The following MUSK variants were observed in gnomAD, a reference collection of about 807,000 sequenced individuals.
MUSK encodes muscle associated receptor tyrosine kinase, also known as muscle, skeletal receptor tyrosine-protein kinase.
A neutral mutation model predicts 88.7 loss-of-function variants in MUSK; 55 were observed. That is an observed-to-expected ratio of 0.62 (90% CI 0.50 to 0.78). MUSK has a LOEUF of 0.78. Ranked by LOEUF, MUSK falls within the 30% of genes least tolerant of loss-of-function variation. The pLI, the probability that MUSK is intolerant of heterozygous loss-of-function variation, is 0.00. For synonymous variants in MUSK, 387 were observed against 391.9 expected, an observed-to-expected ratio of 0.99 and a Z score of 0.15; for missense variants, 1,015 against 1,074.3, an observed-to-expected ratio of 0.94 and a Z score of 0.77.
intron 5 of MUSK, 118 bp downstream of exon 5, chr9:110,697,584 C>A (rs564402810): frequency 3.0e-4 from 321 of 1,070,604 alleles, no homozygotes; most frequent in Non-Finnish European, 3.9e-4. Flanking sequence ...CTCAGTTGTT[C>A]CAGATATTAG....
intron 5 of MUSK, among the ~76,000 whole-genome samples, chr9:110,723,443 C>T (rs775849328): frequency 1.6e-4 from 25 of 151,738 alleles, no homozygotes; most frequent in African/African-American, 4.3e-4. Context: ...GGCATAAGAA[C>T]GACACATTAG....
intron 14 of MUSK, among the ~76,000 whole-genome samples, chr9:110,797,146 T>TAAAA (rs1564297784): frequency 1.1e-4 from 2 of 18,058 alleles, no homozygotes; most frequent in Non-Finnish European, 2.2e-4. Flanking sequence ...AAATAAAAAA[T>TAAAA]AAATGCATGA....
intron 5 of MUSK, among the ~76,000 whole-genome samples, chr9:110,698,210 T>A (rs1263026911): frequency 6.6e-6 from 1 of 152,206 alleles, no homozygotes; most frequent in Non-Finnish European, 1.5e-5. Context: ...TCCTGTTGTA[T>A]GCCAGAGAAT....
intron 1 of MUSK, among the ~76,000 whole-genome samples, chr9:110,681,072 T>TTA (rs2076116810): frequency 3.9e-5 from 1 of 25,450 alleles, no homozygotes; most frequent in South Asian, 6.7e-4. Flanking sequence ...TATATAATAT[T>TTA]ATATATATTA....
At chr9:110,716,828 T>C (rs2076750511) in intron 5 of MUSK, among the ~76,000 whole-genome samples, 2 of 150,338 alleles carry the variant, frequency 1.3e-5, no homozygotes, top group Middle Eastern at 3.4e-3. Context: ...TTAATTATTG[T>C]TGTAATTCCT....
At chr9:110,762,295 G>T in intron 8 of MUSK, 87 bp downstream of exon 8, 1 of 1,060,634 alleles carries the variant, frequency 9.4e-7, no homozygotes, top group Non-Finnish European at 1.3e-6. Context: ...AGAGGGTCTT[G>T]TGTTGCCCAG....
chr9:110,683,300 A>G (rs2076155898), intron 2 of MUSK, among the ~76,000 whole-genome samples: 1 of 152,120 alleles, frequency 6.6e-6, no homozygotes, highest in Admixed American at 6.6e-5. Context: ...GTCTTTGCAA[A>G]TGACTGGATC....
intron 5 of MUSK, among the ~76,000 whole-genome samples, chr9:110,725,184 C>T (rs2076867883): frequency 6.6e-6 from 1 of 151,834 alleles, no homozygotes; most frequent in Admixed American, 6.6e-5. Context: ...TGTTTTCATG[C>T]ATAAGTGGGA....
intron 5 of MUSK, among the ~76,000 whole-genome samples, chr9:110,730,777 G>C (rs1268601869): frequency 6.6e-6 from 1 of 152,050 alleles, no homozygotes; most frequent in Non-Finnish European, 1.5e-5. Context: ...TGCTCAGATA[G>C]AGTTGGGTAA....
intron 5 of MUSK, among the ~76,000 whole-genome samples, chr9:110,704,910 A>C (rs1564233548): frequency 6.6e-6 from 1 of 151,362 alleles, no homozygotes; most frequent in East Asian, 1.9e-4. Context: ...ACTTGAACCC[A>C]GGAGGCAGAG....
chr9:110,802,849 A>C lies in MUSK; in HGVS notation c.*1861A>C, dbSNP rs899514560. ...CTGGTTCATAAATAGCGAGGTCAGC[A>C]TTTAGGACTGAGACCTAAAGAAGTG... is the stretch of plus-strand genomic sequence containing the variant. On this transcript the variant is annotated 3_prime_UTR_variant, in exon 15 of 15. Transcript: ENST00000374448. Among the ~76,000 whole-genome samples the C allele has an allele frequency of 8.5e-5, 13 of 152,200 alleles. No homozygotes were observed. Among genetic ancestry groups the C allele is most frequent in the African/African-American group, 3.1e-4 (13 of 41,458 alleles).
intron 3 of MUSK, among the ~76,000 whole-genome samples, chr9:110,694,924 T>C (rs1363630120): frequency 6.6e-6 from 1 of 152,158 alleles, no homozygotes; most frequent in East Asian, 1.9e-4. Flanking sequence ...TGAATGTATT[T>C]AATTAATAAT....
intron 1 of MUSK, among the ~76,000 whole-genome samples, chr9:110,674,446 G>A (rs920782234): frequency 4.6e-5 from 7 of 152,076 alleles, no homozygotes; most frequent in Non-Finnish European, 5.9e-5. Context: ...CAAACCTGCG[G>A]AAGACAAAAC....
intron 1 of MUSK, among the ~76,000 whole-genome samples, chr9:110,681,217 T>C (rs1426106715): frequency 1.5e-5 from 2 of 130,368 alleles, no homozygotes; most frequent in African/African-American, 2.9e-5. Flanking sequence ...ATAATGATTA[T>C]TCTGTTGAAA....
chr9:110,687,578 G>A (rs1166288110), intron 3 of MUSK, among the ~76,000 whole-genome samples: 11 of 152,018 alleles, frequency 7.2e-5, no homozygotes, highest in African/African-American at 2.2e-4. Flanking sequence ...CTGGTGATCC[G>A]CCCACCTTGG....
At chr9:110,708,740 G>A (rs938452450) in intron 5 of MUSK, among the ~76,000 whole-genome samples, 2 of 152,112 alleles carry the variant, frequency 1.3e-5, no homozygotes, top group Admixed American at 6.6e-5. Flanking sequence ...ATTTCTCTAA[G>A]AAAAAGTCAC....
intron 3 of MUSK, among the ~76,000 whole-genome samples, chr9:110,694,718 T>C (rs942157868): frequency 6.6e-6 from 1 of 151,952 alleles, no homozygotes; most frequent in Non-Finnish European, 1.5e-5. Context: ...AACTTATCAA[T>C]TCTTTTGTAT....
chr9:110,772,146 TTTC>T lies in MUSK; in HGVS notation c.1185-3639_1185-3637del, dbSNP rs535689278. Among the ~76,000 whole-genome samples the T allele has an allele frequency of 3.9e-3, 581 of 150,746 alleles. 4 individuals are homozygous for T. The highest frequency in any genetic ancestry group is 0.013 in the African/African-American group (528 of 41,312). Reference sequence around the variant, plus strand: ...TATAAATCTTAATTAGATTCTACTCTTTCTTAATTGAAATTTCAGAAATTTTTA... The same window carrying T: ...TATAAATCTTAATTAGATTCTACTCTTTAATTGAAATTTCAGAAATTTTTA... On this transcript the variant is annotated intron_variant, in intron 9 of 14. Transcript: ENST00000374448.
At chr9:110,690,834 A>ATATT (rs531238740) in intron 3 of MUSK, among the ~76,000 whole-genome samples, 1 of 118,680 alleles carries the variant, frequency 8.4e-6, no homozygotes, top group African/African-American at 3.8e-5. Flanking sequence ...ATAAATATAT[A>ATATT]TAAATATAAG....
Sources: allele counts gnomAD v4.1 joint callset (sites outside exome capture counted in the v4.1 genomes callset), GRCh38; gene constraint gnomAD v4.1.1; transcripts MANE v1.5; gene names NCBI Gene and HGNC (gene_info 2026-07-23, HGNC 2026-07-21).